Variants in CNOT4 observed in about 807,000 individuals in gnomAD.
CNOT4 encodes the protein CCR4-NOT transcription complex subunit 4, also known as CCR4-associated factor 4.
In CNOT4, 8 loss-of-function variants were observed where a neutral mutation model predicts 73.8. That is an observed-to-expected ratio of 0.11 (90% CI 0.06 to 0.20). The LOEUF is 0.20. Among genes scored for constraint, CNOT4 ranks in the 10% least tolerant of loss-of-function variants. The pLI is 1.00. For synonymous variants in CNOT4, 293 were observed against 321.1 expected, an observed-to-expected ratio of 0.91 and a Z score of 0.94; for missense variants, 564 against 883.4, an observed-to-expected ratio of 0.64 and a Z score of 4.58.
intron 1 of CNOT4, among the ~76,000 whole-genome samples, chr7:135,489,181 T>C (rs1457549397): frequency 1.3e-5 from 2 of 152,036 alleles, no homozygotes; most frequent in Non-Finnish European, 2.9e-5. Flanking sequence ...TATATAATTT[T>C]ACATTTTCCA....
chr7:135,408,017 A>C (rs1797392551), intron 7 of CNOT4, among the ~76,000 whole-genome samples: 1 of 152,226 alleles, frequency 6.6e-6, no homozygotes, highest in Non-Finnish European at 1.5e-5. Flanking sequence ...AATCAAATAC[A>C]AGTTAAAATG....
At chr7:135,479,858 C>T (rs1204705097) in intron 1 of CNOT4, among the ~76,000 whole-genome samples, 1 of 152,016 alleles carries the variant, frequency 6.6e-6, no homozygotes, top group Non-Finnish European at 1.5e-5. Context: ...CCACTGCACT[C>T]CAGGCTGGGT....
At chr7:135,493,290 T>C (rs1219724656) in intron 1 of CNOT4, among the ~76,000 whole-genome samples, 1 of 152,154 alleles carries the variant, frequency 6.6e-6, no homozygotes, top group African/African-American at 2.4e-5. Flanking sequence ...ACCTCTCAAG[T>C]AGCTGGGACT....
intron 3 of CNOT4, among the ~76,000 whole-genome samples, chr7:135,417,288 T>C (rs1333826779): frequency 6.6e-6 from 1 of 152,204 alleles, no homozygotes; most frequent in African/African-American, 2.4e-5. Context: ...GTGATATTAA[T>C]GTTATGGGCC....
At chr7:135,507,650 T>C (rs1340530175) in intron 1 of CNOT4, among the ~76,000 whole-genome samples, 1 of 152,212 alleles carries the variant, frequency 6.6e-6, no homozygotes, top group Non-Finnish European at 1.5e-5. Context: ...TACTCCCTTC[T>C]ACCAGACAAA....
chr7:135,379,226 C>A (rs775318323), intron 10 of CNOT4, among the ~76,000 whole-genome samples: 1 of 152,074 alleles, frequency 6.6e-6, no homozygotes, highest in Non-Finnish European at 1.5e-5. Flanking sequence ...AACCTGAAAG[C>A]GTGTTATAAA....
chr7:135,450,400 C>T (rs553376561), intron 1 of CNOT4, among the ~76,000 whole-genome samples: 5 of 152,086 alleles, frequency 3.3e-5, no homozygotes, highest in African/African-American at 7.2e-5. Context: ...CTCACTGCAA[C>T]CTTCGCCTCC....
intron 2 of CNOT4, among the ~76,000 whole-genome samples, chr7:135,426,119 C>T (rs183084759): frequency 9.6e-4 from 146 of 152,124 alleles, no homozygotes; most frequent in Non-Finnish European, 1.4e-3. Context: ...GAGGCTGAGG[C>T]AGGAGGGATG....
intron 10 of CNOT4, among the ~76,000 whole-genome samples, chr7:135,381,445 TCTC>T (rs1424886370): frequency 6.6e-6 from 1 of 152,174 alleles, no homozygotes; most frequent in East Asian, 1.9e-4. Context: ...GAAAAGCAAA[TCTC>T]CTAAGTGTCT....
At chr7:135,445,367 T>C (rs977319108) in intron 1 of CNOT4, among the ~76,000 whole-genome samples, 4 of 152,218 alleles carry the variant, frequency 2.6e-5, no homozygotes, top group African/African-American at 4.8e-5. Flanking sequence ...TAGACAGTGA[T>C]TAATTTTCGA....
At chr7:135,487,881 G>A (rs544197487) in intron 1 of CNOT4, among the ~76,000 whole-genome samples, 1 of 152,038 alleles carries the variant, frequency 6.6e-6, no homozygotes, top group East Asian at 1.9e-4. Context: ...GTGAAACCTC[G>A]TCTCTACTAA....
intron 1 of CNOT4, among the ~76,000 whole-genome samples, chr7:135,487,389 A>G (rs759833642): frequency 6.6e-6 from 1 of 151,822 alleles, no homozygotes; most frequent in Admixed American, 6.6e-5. Flanking sequence ...ATACACCACC[A>G]CACCCAGATA....
At chr7:135,420,132 C>T (rs193029191) in intron 3 of CNOT4, among the ~76,000 whole-genome samples, 3 of 152,160 alleles carry the variant, frequency 2.0e-5, no homozygotes, top group Non-Finnish European at 4.4e-5. Flanking sequence ...TTAATTTCAT[C>T]CAAATTTTGG....
chr7:135,383,516 G>A (rs1376299025), intron 10 of CNOT4, among the ~76,000 whole-genome samples: 1 of 152,174 alleles, frequency 6.6e-6, no homozygotes, highest in African/African-American at 2.4e-5. Flanking sequence ...CCGGAAACCT[G>A]ACCCAGGATT....
chr7:135,494,940 T>C (rs1803366290), intron 1 of CNOT4, among the ~76,000 whole-genome samples: 1 of 152,230 alleles, frequency 6.6e-6, no homozygotes, highest in Admixed American at 6.5e-5. Context: ...CAGCAGTAGA[T>C]AATAGCTAAC....
Position 135,456,709 on chromosome 7 carries a change from T to C in CNOT4, c.-92-18286A>G, listed in dbSNP as rs117391972. ...AACTCGGTAAATGCTATATAAACAG[T>C]TACTGTGACATAATTTTTTTATTTA... is the stretch of plus-strand genomic sequence containing the variant. On this transcript the variant is annotated intron_variant, in intron 1 of 11. Coordinates refer to ENST00000541284, the MANE Select transcript of CNOT4 (RefSeq NM_001190850.2). Among the ~76,000 whole-genome samples, 850 of 152,178 alleles carry C rather than the reference T, an allele frequency of 5.6e-3. 10 individuals are homozygous for C. Among genetic ancestry groups the C allele is most frequent in the Non-Finnish European group, 0.01 (681 of 67,968 alleles).
intron 2 of CNOT4, among the ~76,000 whole-genome samples, chr7:135,428,080 A>G (rs1381857732): frequency 3.3e-5 from 5 of 152,212 alleles, no homozygotes; most frequent in Non-Finnish European, 7.4e-5. Flanking sequence ...AAGGTAAGAA[A>G]AAAGAAAAAG....
chr7:135,423,360 CAAAA>C (rs750892116), intron 2 of CNOT4, among the ~76,000 whole-genome samples: 1 of 109,488 alleles, frequency 9.1e-6, no homozygotes. Context: ...AATGCCAAAC[CAAAA>C]AAAAAAAAAG....
At chr7:135,418,870 A>G (rs1400543309) in intron 3 of CNOT4, among the ~76,000 whole-genome samples, 1 of 152,172 alleles carries the variant, frequency 6.6e-6, no homozygotes, top group Non-Finnish European at 1.5e-5. Context: ...TATGTTCCCA[A>G]AAAGCTGTGT....
Sources: gnomAD v4.1 joint callset for allele counts (sites outside exome capture counted in the v4.1 genomes callset) on GRCh38, gnomAD v4.1.1 for gene constraint, MANE v1.5 for transcripts, NCBI Gene and HGNC (gene_info 2026-07-23, HGNC 2026-07-21) for gene names.